SH3PXD2A: variants seen among roughly 807,000 people sequenced by gnomAD.
SH3PXD2A encodes SH3 and PX domain-containing protein 2A.
Under a neutral mutation model 115.2 loss-of-function variants are expected in SH3PXD2A, and 32 were observed. The observed-to-expected ratio is 0.28, with a 90% confidence interval of 0.21 to 0.37. The LOEUF is 0.37. Among genes scored for constraint, SH3PXD2A ranks in the 10% least tolerant of loss-of-function variants. The probability of loss-of-function intolerance (pLI) is 1.00; values close to 1 mark genes in which losing one functional copy is unlikely to be tolerated. For synonymous variants in SH3PXD2A, 610 were observed against 629.1 expected, an observed-to-expected ratio of 0.97 and a Z score of 0.45; for missense variants, 1,328 against 1,498.7, an observed-to-expected ratio of 0.89 and a Z score of 1.88.
intron 1 of SH3PXD2A, among the ~76,000 whole-genome samples, chr10:103,804,149 A>G (rs1448616282): frequency 6.6e-6 from 1 of 152,038 alleles, no homozygotes; most frequent in African/African-American, 2.4e-5. Flanking sequence ...TTAGGTCTGC[A>G]TTGATATTGA....
chr10:103,602,323 C>G lies in SH3PXD2A; in HGVS notation c.2895G>C (p.Ala965=). The G allele has an allele frequency of 6.2e-7, 1 of 1,613,656 alleles. No individual in the cohort carries two copies. The highest frequency in any genetic ancestry group is 8.5e-7 in the Non-Finnish European group (1 of 1,179,896). Reference sequence around the variant, plus strand: ...GCCGCACTCCGTTCCTCATCTTCACCGCTGGAGTGCCTGAGGTCTTGCCGA... The same window carrying G: ...GCCGCACTCCGTTCCTCATCTTCACGGCTGGAGTGCCTGAGGTCTTGCCGA... The part of the protein sequence containing the change: ...GGFGKTSGTP[A]VKMRNGVRQV... Residue 965 remains alanine (A), a synonymous_variant, in exon 15 of 15, where the codon GCG becomes GCC. Transcript: ENST00000369774.
chr10:103,626,732 G>A (rs1484222899), intron 9 of SH3PXD2A, among the ~76,000 whole-genome samples: 1 of 151,054 alleles, frequency 6.6e-6, no homozygotes, highest in Non-Finnish European at 1.5e-5. Flanking sequence ...TTTGAGACCA[G>A]CCTGGCCAAC....
chr10:103,779,718 C>T (rs1293420181), intron 2 of SH3PXD2A, among the ~76,000 whole-genome samples: 3 of 152,120 alleles, frequency 2.0e-5, no homozygotes, highest in Non-Finnish European at 4.4e-5. Context: ...CAGCCCAGGG[C>T]GCCGGTGGTG....
In SH3PXD2A at chr10:103,677,186, C is replaced by T. The variant is rs1293956254; in HGVS notation, c.428-8534G>A. On this transcript the variant is annotated intron_variant, in intron 6 of 14. Coordinates refer to ENST00000369774, the MANE Select transcript of SH3PXD2A (RefSeq NM_001394015.1). ...TCTCTCCAGACTGGACTCTTGCTATCGGATTATCAATGAATCAACCGCCAA... is the reference window on the plus strand; with the variant it reads ...TCTCTCCAGACTGGACTCTTGCTATTGGATTATCAATGAATCAACCGCCAA... Among the ~76,000 whole-genome samples the T allele has an allele frequency of 4.6e-5, 7 of 152,186 alleles. 1 individual carries two copies. The South Asian group carries it at 6.2e-4, about 14-fold the overall frequency.
At chr10:103,685,956 C>T (rs2037672212) in intron 6 of SH3PXD2A, among the ~76,000 whole-genome samples, 2 of 152,298 alleles carry the variant, frequency 1.3e-5, no homozygotes, top group Admixed American at 6.5e-5. Flanking sequence ...ATAATTAAAA[C>T]GGCAATAACA....
At chr10:103,722,447 T>C (rs886591181) in intron 5 of SH3PXD2A, among the ~76,000 whole-genome samples, 2 of 152,134 alleles carry the variant, frequency 1.3e-5, no homozygotes, top group South Asian at 4.1e-4. Flanking sequence ...CGCTATTCTT[T>C]CTTCTGAAAT....
Position 103,602,983 on chromosome 10 carries a change from C to T in SH3PXD2A, c.2235G>A (p.Gly745=), listed in dbSNP as rs2036242270. 2.5e-6 allele frequency: 4 copies of T among 1,614,082 alleles called. No homozygotes were observed. The highest frequency in any genetic ancestry group is 1.3e-5 in the African/African-American group (1 of 74,948). Residue 745 remains glycine, a synonymous_variant, in exon 15 of 15, where the codon GGG becomes GGA. Coordinates refer to ENST00000369774, the MANE Select transcript of SH3PXD2A (RefSeq NM_001394015.1). ...GCTTGGCCCGGGGACAGGAGGTCAGCCCAGCGTTCGCATCAGCATCCTTCT... is the reference window on the plus strand; with the variant it reads ...GCTTGGCCCGGGGACAGGAGGTCAGTCCAGCGTTCGCATCAGCATCCTTCT... ...RAKKDADANA[G]LTSCPRAKPS... is the part of the protein sequence containing the mutation.
chr10:103,739,749 T>A (rs1032025946), intron 3 of SH3PXD2A, among the ~76,000 whole-genome samples: 3 of 152,190 alleles, frequency 2.0e-5, no homozygotes, highest in Non-Finnish European at 4.4e-5. Flanking sequence ...GCACGGGGCA[T>A]GAGACAGACC....
At chr10:103,639,928 A>T (rs1338233118) in intron 8 of SH3PXD2A, among the ~76,000 whole-genome samples, 1 of 152,174 alleles carries the variant, frequency 6.6e-6, no homozygotes, top group Non-Finnish European at 1.5e-5. Flanking sequence ...TCCAGTCAAG[A>T]CACTTACATT....
Position 103,620,457 on chromosome 10 carries a change from G to A in SH3PXD2A, c.802+2013C>T, listed in dbSNP as rs548229960. Among the ~76,000 whole-genome samples the A allele has an allele frequency of 7.2e-5, 11 of 152,218 alleles. No homozygotes were observed. Among genetic ancestry groups the A allele is most frequent in the Admixed American group, 7.2e-4 (11 of 15,302 alleles). ...CTCCCCACTCCCTTCCTGCCCCCAC[G>A]ACTTACCCAACCCCACTGAGAGAGG... On this transcript the variant is annotated intron_variant, in intron 10 of 14. Transcript: ENST00000369774. This position sits in a 1 kb window ranked among gnomAD's most constrained non-coding sequence, Gnocchi z 5.3.
intron 9 of SH3PXD2A, among the ~76,000 whole-genome samples, chr10:103,625,369 A>G (rs1167276081): frequency 6.6e-6 from 1 of 152,366 alleles, no homozygotes; most frequent in Admixed American, 6.5e-5. Flanking sequence ...AAAATGCTTC[A>G]CAGAGAGGTG....
Position 103,605,875 on chromosome 10 carries a change from C to T in SH3PXD2A, c.1351G>A (p.Val451Met). Residue 451 changes from valine (V) to methionine (M), a missense_variant, in exon 14 of 15, where the codon GTG (valine) becomes ATG (methionine). By Grantham distance (21) the Val-to-Met change is conservative. Around this residue, in one of 5 missense-constraint regions of SH3PXD2A, gnomAD observed 509 missense variants for 628.3 expected, o/e 0.81. Transcript: ENST00000369774. ...PKPPEPPSVEVEYYTIAEFQS... is the reference protein window; with the variant it reads ...PKPPEPPSVEMEYYTIAEFQS... ...AATTCGGCAATGGTGTAGTACTCCA[C>T]CTCAACAGAAGGGGGCTCTGGTGGC... 6.2e-7 allele frequency: 1 copy of T among 1,613,930 alleles called. No homozygotes were observed. The highest frequency in any genetic ancestry group is 8.5e-7 in the Non-Finnish European group (1 of 1,179,808).
At chr10:103,809,049 C>T (rs868595419) in intron 1 of SH3PXD2A, among the ~76,000 whole-genome samples, 5 of 152,332 alleles carry the variant, frequency 3.3e-5, no homozygotes, top group Middle Eastern at 3.4e-3. Flanking sequence ...TCAAGTTCAA[C>T]AGCCTGTGGC....
intron 3 of SH3PXD2A, among the ~76,000 whole-genome samples, chr10:103,740,664 G>A (rs1033774431): frequency 6.6e-6 from 1 of 152,220 alleles, no homozygotes; most frequent in African/African-American, 2.4e-5. Flanking sequence ...ACCTCTTCTG[G>A]TCTGAGCAGG....
chr10:103,691,435 A>G (rs1038160153), intron 6 of SH3PXD2A, among the ~76,000 whole-genome samples: 1 of 152,100 alleles, frequency 6.6e-6, no homozygotes, highest in Non-Finnish European at 1.5e-5. Flanking sequence ...CCAGGACACT[A>G]TACGTCTGAG....
chr10:103,682,630 A>G (rs2037624990), intron 6 of SH3PXD2A, among the ~76,000 whole-genome samples: 1 of 152,054 alleles, frequency 6.6e-6, no homozygotes, highest in Non-Finnish European at 1.5e-5. Context: ...GGTGGCATGC[A>G]TCTGTAATCC....
Position 103,601,625 on chromosome 10 carries a change from C to T in SH3PXD2A, c.*191G>A. On this transcript the variant is annotated 3_prime_UTR_variant, in exon 15 of 15. Coordinates refer to ENST00000369774, the MANE Select transcript of SH3PXD2A (RefSeq NM_001394015.1). The stretch of plus-strand genomic sequence containing the variant: ...CTTCCTCACTCAGTGTGGGCACCCC[C>T]ATCCCCTACCTTCCAGCTGTGGGAT... 1.7e-6 allele frequency: 1 copy of T among 572,262 alleles called. No individual in the cohort carries two copies. Among genetic ancestry groups the T allele is most frequent in the Non-Finnish European group, 3.1e-6 (1 of 320,328 alleles). 35.4% of individuals were successfully genotyped at this position (572,262 alleles called of 1,614,324 possible).
intron 7 of SH3PXD2A, among the ~76,000 whole-genome samples, chr10:103,664,075 TCC>T (rs1243477533): frequency 6.6e-6 from 1 of 152,148 alleles, no homozygotes; most frequent in East Asian, 1.9e-4. Context: ...ACGGACTACC[TCC>T]CACTGTGCCC....
At chr10:103,805,259 G>A (rs900291092) in intron 1 of SH3PXD2A, among the ~76,000 whole-genome samples, 1 of 152,152 alleles carries the variant, frequency 6.6e-6, no homozygotes, top group African/African-American at 2.4e-5. Flanking sequence ...AGAAACCCAG[G>A]GGCCAGGGTG....
Sources: gnomAD v4.1 joint callset for allele counts (sites outside exome capture counted in the v4.1 genomes callset) on GRCh38, gnomAD v4.1.1 for gene constraint, gnomAD v4.1.1 regional missense constraint, Gnocchi (gnomAD v3.1) non-coding constraint, MANE v1.5 for transcripts, NCBI Gene and HGNC (gene_info 2026-07-23, HGNC 2026-07-21) for gene names.